DLG2: variants seen among roughly 807,000 people sequenced by gnomAD.
DLG2 encodes disks large homolog 2.
Under a neutral mutation model 132.5 loss-of-function variants are expected in DLG2, and 45 were observed. The ratio of observed to expected loss-of-function variants is 0.34; its 90% CI spans 0.27 to 0.44. The LOEUF is 0.44. Ranked by LOEUF, DLG2 falls within the 20% of genes least tolerant of loss-of-function variation. DLG2 has a pLI of 1.00. For synonymous variants in DLG2, 424 were observed against 419.6 expected (o/e 1.01, Z -0.13); for missense variants, 1,045 against 1,196.9 (o/e 0.87, Z 1.87).
intron 18 of DLG2, among the ~76,000 whole-genome samples, chr11:83,644,399 G>A (rs765018041): frequency 3.9e-5 from 6 of 152,086 alleles, no homozygotes; most frequent in Non-Finnish European, 7.4e-5. Context: ...GAGGTGAAAG[G>A]AAGAATCGGC....
At chr11:85,335,974 TA>T (rs1376392289) in intron 3 of DLG2, 1 of 152,238 alleles carries the variant, frequency 6.6e-6, no homozygotes, top group Non-Finnish European at 1.5e-5. Flanking sequence ...AAATATCTTC[TA>T]TTTGCACATG....
At chr11:83,995,178 C>A (rs1263942472) in intron 11 of DLG2, among the ~76,000 whole-genome samples, 2 of 151,996 alleles carry the variant, frequency 1.3e-5, no homozygotes, top group African/African-American at 4.8e-5. Context: ...AAAATATGAA[C>A]AGAATGCAGT....
chr11:84,276,550 A>G (rs1321368797), intron 7 of DLG2, among the ~76,000 whole-genome samples: 36 of 152,198 alleles, frequency 2.4e-4, no homozygotes, highest in Admixed American at 2.4e-3. Context: ...TTTCTTTTCT[A>G]CTATCACTCA....
intron 12 of DLG2, among the ~76,000 whole-genome samples, chr11:83,970,786 T>C (rs1353788336): frequency 6.6e-6 from 1 of 152,236 alleles, no homozygotes; most frequent in South Asian, 2.1e-4. Context: ...TCATCATCTG[T>C]AAGCAGGATT....
At chr11:84,580,052 A>G (rs1288209115) in intron 6 of DLG2, among the ~76,000 whole-genome samples, 1 of 152,212 alleles carries the variant, frequency 6.6e-6, no homozygotes, top group Non-Finnish European at 1.5e-5. Flanking sequence ...GAGATCCTGT[A>G]GAATATGTCT....
intron 6 of DLG2, among the ~76,000 whole-genome samples, chr11:84,884,699 A>G (rs139351903): frequency 4.6e-4 from 70 of 152,036 alleles, no homozygotes; most frequent in African/African-American, 1.6e-3. Context: ...AACCACTAGT[A>G]TATTTTATTT....
At chr11:84,678,840 A>C (rs12281747) in intron 6 of DLG2, among the ~76,000 whole-genome samples, 18,453 of 152,072 alleles carry the variant, frequency 0.12, 1,418 homozygotes, top group African/African-American at 0.2. Flanking sequence ...CATGTGACTT[A>C]GGTAATTTAT....
intron 6 of DLG2, among the ~76,000 whole-genome samples, chr11:84,641,741 G>C (rs1296780988): frequency 6.6e-6 from 1 of 151,998 alleles, no homozygotes; most frequent in Non-Finnish European, 1.5e-5. Context: ...CATAATAACA[G>C]TACCTAACTC....
rs142054468 is a variant in DLG2, at chr11:83,978,556, T to A, written c.1056+1950A>T. On this transcript the variant is annotated intron_variant, in intron 12 of 27. Transcript: ENST00000376104. ...AACATCATAAGAACAAACTTTTACA[T>A]CAAAAACAAACAAGCAAACAAACAA... Among the ~76,000 whole-genome samples, 386 of 152,154 alleles carry A rather than the reference T, an allele frequency of 2.5e-3. 1 individual carries two copies. The highest frequency in any genetic ancestry group is 4.4e-3 in the Non-Finnish European group (299 of 67,950).
intron 7 of DLG2, chr11:84,273,232 C>T (rs1390002389): frequency 6.4e-7 from 1 of 1,567,078 alleles, no homozygotes; most frequent in Non-Finnish European, 8.6e-7. Flanking sequence ...AATTCTCAGC[C>T]CGAGAAACAC....
intron 6 of DLG2, among the ~76,000 whole-genome samples, chr11:85,065,331 CT>C (rs111940231): frequency 0.041 from 6,131 of 151,124 alleles, 186 homozygotes; most frequent in African/African-American, 0.076. Context: ...TATGTTACTC[CT>C]TTTTTTTAAA....
chr11:85,056,844 T>C (rs2063513935), intron 6 of DLG2, among the ~76,000 whole-genome samples: 1 of 151,976 alleles, frequency 6.6e-6, no homozygotes. Context: ...GAATTTTATA[T>C]TCACTGAAAA....
chr11:84,181,320 T>C (rs1566840138), intron 8 of DLG2, among the ~76,000 whole-genome samples: 1 of 151,724 alleles, frequency 6.6e-6, no homozygotes, highest in Non-Finnish European at 1.5e-5. Context: ...GCAAATTCTA[T>C]GGCAACCATT....
chr11:84,262,330 TG>T (rs2097557693), intron 7 of DLG2, among the ~76,000 whole-genome samples: 1 of 152,094 alleles, frequency 6.6e-6, no homozygotes, highest in Non-Finnish European at 1.5e-5. Flanking sequence ...AGAAGTTAGG[TG>T]GGAGGAAGTA....
intron 19 of DLG2, among the ~76,000 whole-genome samples, chr11:83,589,319 G>C (rs1170544576): frequency 3.4e-5 from 5 of 147,394 alleles, no homozygotes; most frequent in Non-Finnish European, 6.0e-5. Context: ...AGCCAGAAGA[G>C]AGTGGGGGCC....
intron 18 of DLG2, among the ~76,000 whole-genome samples, chr11:83,750,629 G>C (rs2153734629): frequency 6.6e-6 from 1 of 152,192 alleles, no homozygotes; most frequent in South Asian, 2.1e-4. Flanking sequence ...TGACATTATA[G>C]ATATATGAAA....
chr11:84,945,125 G>C (rs954524221), intron 6 of DLG2, among the ~76,000 whole-genome samples: 1 of 152,194 alleles, frequency 6.6e-6, no homozygotes, highest in Non-Finnish European at 1.5e-5. Flanking sequence ...ACATTGAAGA[G>C]TTAGGTATTT....
chr11:83,595,462 G>C (rs2057411383), intron 19 of DLG2, among the ~76,000 whole-genome samples: 1 of 152,160 alleles, frequency 6.6e-6, no homozygotes, highest in Admixed American at 6.5e-5. Flanking sequence ...ATCCATCTAA[G>C]GAACCAAATT....
intron 6 of DLG2, among the ~76,000 whole-genome samples, chr11:84,754,659 A>C (rs2066621568): frequency 1.3e-5 from 2 of 152,218 alleles, no homozygotes; most frequent in Admixed American, 6.5e-5. Flanking sequence ...TAAGCAGAGA[A>C]TAAAGGAATT....
Sources: gnomAD v4.1 joint callset for allele counts (sites outside exome capture counted in the v4.1 genomes callset) on GRCh38, gnomAD v4.1.1 for gene constraint, MANE v1.5 for transcripts, NCBI Gene and HGNC (gene_info 2026-07-23, HGNC 2026-07-21) for gene names.